The following PSMA1 variants were observed in gnomAD, a reference collection of about 807,000 sequenced individuals.
The protein encoded by PSMA1 is proteasome 20S subunit alpha 1.
In PSMA1, 3 loss-of-function variants were observed where a neutral mutation model predicts 38.4. That is an observed-to-expected ratio of 0.08 (90% CI 0.04 to 0.20). PSMA1 has a LOEUF of 0.20. Ranked by LOEUF, PSMA1 falls within the 10% of genes least tolerant of loss-of-function variation. The pLI is 1.00. For synonymous variants in PSMA1, 101 were observed against 107.1 expected, an observed-to-expected ratio of 0.94 and a Z score of 0.35; for missense variants, 227 against 325.3, an observed-to-expected ratio of 0.70 and a Z score of 2.32.
At chr11:14,546,148 CTCTTT>C (rs1238924755) in intron 2 of PSMA1, among the ~76,000 whole-genome samples, 2 of 146,938 alleles carry the variant, frequency 1.4e-5, no homozygotes, top group Admixed American at 6.7e-5. Flanking sequence ...CTCTCTCTCT[CTCTTT>C]TTTTTTTTTT....
intron 2 of PSMA1, among the ~76,000 whole-genome samples, chr11:14,565,482 C>T (rs574752323): frequency 4.6e-5 from 7 of 152,090 alleles, no homozygotes; most frequent in South Asian, 4.1e-4. Flanking sequence ...ATTATTGATC[C>T]GATAATTTTC....
intron 2 of PSMA1, among the ~76,000 whole-genome samples, chr11:14,600,303 T>A (rs1314502944): frequency 1.3e-5 from 2 of 152,210 alleles, no homozygotes; most frequent in Admixed American, 6.5e-5. Context: ...GACGTTTAAG[T>A]CTGCAGAAGT....
intron 2 of PSMA1, among the ~76,000 whole-genome samples, chr11:14,578,213 T>C (rs752241779): frequency 2.6e-5 from 4 of 152,044 alleles, no homozygotes; most frequent in Non-Finnish European, 5.9e-5. Flanking sequence ...CCCCAGAGCT[T>C]AAAGTATAAT....
At chr11:14,553,016 G>A (rs1307286391) in intron 2 of PSMA1, among the ~76,000 whole-genome samples, 1 of 151,796 alleles carries the variant, frequency 6.6e-6, no homozygotes, top group Admixed American at 6.6e-5. Flanking sequence ...GTAGAGATGA[G>A]TTCTTCCAAT....
intron 2 of PSMA1, among the ~76,000 whole-genome samples, chr11:14,608,404 A>C (rs1439472429): frequency 6.6e-6 from 1 of 151,382 alleles, no homozygotes; most frequent in Non-Finnish European, 1.5e-5. Flanking sequence ...CACACCAGGG[A>C]CTGTTGTGGG....
intron 2 of PSMA1, among the ~76,000 whole-genome samples, chr11:14,538,453 C>T (rs919423441): frequency 2.0e-5 from 3 of 152,204 alleles, no homozygotes; most frequent in Admixed American, 6.5e-5. Flanking sequence ...CTAGCCAGAA[C>T]CAAACCCTTC....
intron 2 of PSMA1, among the ~76,000 whole-genome samples, chr11:14,528,567 G>A (rs540734399): frequency 1.1e-4 from 17 of 151,756 alleles, no homozygotes; most frequent in South Asian, 6.3e-4. Flanking sequence ...AAAAATTTTC[G>A]CTGCCCCAAC....
intron 1 of PSMA1, among the ~76,000 whole-genome samples, chr11:14,636,000 AT>A (rs536076956): frequency 5.3e-5 from 8 of 151,902 alleles, no homozygotes; most frequent in Non-Finnish European, 7.4e-5. Flanking sequence ...TTTTAAACTT[AT>A]TTTTTTTACA....
chr11:14,625,187 G>A (rs189827910), intron 1 of PSMA1, among the ~76,000 whole-genome samples: 1 of 152,332 alleles, frequency 6.6e-6, no homozygotes, highest in East Asian at 1.9e-4. Flanking sequence ...GGTAACTCAT[G>A]CCTGTAATCC....
intron 2 of PSMA1, among the ~76,000 whole-genome samples, chr11:14,573,417 G>C (rs1260225730): frequency 6.6e-6 from 1 of 152,142 alleles, no homozygotes; most frequent in African/African-American, 2.4e-5. Flanking sequence ...AAAACCACAT[G>C]ATTATCTCAA....
At chr11:14,512,668 A>G (rs1422100459) in intron 7 of PSMA1, among the ~76,000 whole-genome samples, 1 of 152,192 alleles carries the variant, frequency 6.6e-6, no homozygotes, top group Non-Finnish European at 1.5e-5. Flanking sequence ...GAAAGAGCAT[A>G]AGGAAGCCTG....
intron 4 of PSMA1, among the ~76,000 whole-genome samples, chr11:14,514,903 C>G (rs1851400852): frequency 6.6e-6 from 1 of 152,134 alleles, no homozygotes; most frequent in Non-Finnish European, 1.5e-5. Flanking sequence ...TCCAAAAGAG[C>G]AAATATAAGA....
Position 14,507,738 on chromosome 11 carries a change from T to A in PSMA1, c.653A>T (p.Asp218Val), listed in dbSNP as rs1360062783. The stretch of plus-strand genomic sequence containing the variant: ...ATCATCATAGATTGTAAACTCCAAG[T>A]CTTTACCAACAATTCCAATGGAAAC... ...KNVSIGIVGK[D>V]LEFTIYDDDD... is the part of the protein sequence containing the mutation. Residue 218 changes from aspartate (D) to valine (V), a missense_variant, in exon 9 of 10, where the codon GAC becomes GTC. Coordinates refer to ENST00000396394, the MANE Select transcript of PSMA1 (RefSeq NM_002786.4). The A allele has an allele frequency of 1.2e-6, 2 of 1,611,846 alleles. No individual in the cohort carries two copies. Among genetic ancestry groups the A allele is most frequent in the African/African-American group, 2.7e-5 (2 of 74,780 alleles).
intron 2 of PSMA1, among the ~76,000 whole-genome samples, chr11:14,541,005 G>A (rs1292702454): frequency 6.6e-6 from 1 of 152,024 alleles, no homozygotes; most frequent in African/African-American, 2.4e-5. Context: ...GAGTTAATGG[G>A]TGCAGTACAC....
chr11:14,609,645 G>A (rs1852685303), intron 2 of PSMA1, among the ~76,000 whole-genome samples: 2 of 152,120 alleles, frequency 1.3e-5, no homozygotes, highest in Non-Finnish European at 2.9e-5. Context: ...TAGGGTGGAG[G>A]AAATAGCAAA....
chr11:14,520,349 G>A lies in PSMA1; in HGVS notation c.-50C>T. 6.2e-7 allele frequency: 1 copy of A among 1,614,258 alleles called. No homozygotes were observed. Among genetic ancestry groups the A allele is most frequent in the Non-Finnish European group, 8.5e-7 (1 of 1,180,042 alleles). On this transcript the variant is annotated 5_prime_UTR_variant, in exon 1 of 10. Coordinates refer to ENST00000396394, the MANE Select transcript of PSMA1 (RefSeq NM_002786.4). ...GCCTCCAGCAAAACTGAGAATCAAG[G>A]AGGTGCTGCCGAAAGTATCGCTCAG...
intron 2 of PSMA1, among the ~76,000 whole-genome samples, chr11:14,527,189 C>A (rs986283230): frequency 6.6e-6 from 1 of 152,182 alleles, no homozygotes; most frequent in East Asian, 1.9e-4. Flanking sequence ...GATTCCATCA[C>A]TCAGGGCAAC....
intron 2 of PSMA1, among the ~76,000 whole-genome samples, chr11:14,592,782 T>A (rs1852439460): frequency 6.6e-6 from 1 of 152,214 alleles, no homozygotes; most frequent in African/African-American, 2.4e-5. Context: ...ATTTTTTGAA[T>A]GAATGACTGA....
chr11:14,602,601 C>T (rs1212985976), intron 2 of PSMA1, among the ~76,000 whole-genome samples: 1 of 152,018 alleles, frequency 6.6e-6, no homozygotes, highest in Non-Finnish European at 1.5e-5. Context: ...GAAAGTCATG[C>T]TCATAATCTT....
Sources: gnomAD v4.1 joint callset for allele counts (sites outside exome capture counted in the v4.1 genomes callset) on GRCh38, gnomAD v4.1.1 for gene constraint, MANE v1.5 for transcripts, NCBI Gene and HGNC (gene_info 2026-07-23, HGNC 2026-07-21) for gene names.